Variants in UBASH3B observed in about 807,000 individuals in gnomAD.
UBASH3B encodes ubiquitin associated and SH3 domain containing B, also known as ubiquitin-associated and SH3 domain-containing protein B.
A neutral mutation model predicts 83.4 loss-of-function variants in UBASH3B; 37 were observed. That is an observed-to-expected ratio of 0.44 (90% CI 0.34 to 0.58). The LOEUF (loss-of-function observed/expected upper bound fraction) is 0.58, where lower values mean the gene tolerates loss of function less well. Among genes scored for constraint, UBASH3B ranks in the 20% least tolerant of loss-of-function variants. The probability of loss-of-function intolerance (pLI) is 0.01; values close to 1 mark genes in which losing one functional copy is unlikely to be tolerated. For synonymous variants in UBASH3B, 304 were observed against 318.3 expected, an observed-to-expected ratio of 0.96 and a Z score of 0.48; for missense variants, 657 against 827.2, an observed-to-expected ratio of 0.79 and a Z score of 2.52.
At chr11:122,676,222 G>A (rs550622488) in intron 1 of UBASH3B, among the ~76,000 whole-genome samples, 3 of 151,838 alleles carry the variant, frequency 2.0e-5, no homozygotes, top group African/African-American at 7.2e-5. Context: ...GGGCAACAAG[G>A]AGAAACCCCG....
intron 1 of UBASH3B, among the ~76,000 whole-genome samples, chr11:122,711,304 G>C (rs1864188126): frequency 6.6e-6 from 1 of 152,224 alleles, no homozygotes; most frequent in African/African-American, 2.4e-5. Flanking sequence ...TAGTGCTTAG[G>C]GAAAGAGAGG....
intron 1 of UBASH3B, among the ~76,000 whole-genome samples, chr11:122,659,472 C>T (rs544634961): frequency 1.3e-5 from 2 of 152,226 alleles, no homozygotes; most frequent in Admixed American, 6.5e-5. Context: ...CTACTTCAAC[C>T]CAGAAAGGCT....
chr11:122,769,262 C>A (rs1280876248), intron 1 of UBASH3B, among the ~76,000 whole-genome samples: 2 of 152,120 alleles, frequency 1.3e-5, no homozygotes, highest in Non-Finnish European at 2.9e-5. Context: ...ACAACCAGCT[C>A]CCGTGAAAAC....
chr11:122,703,293 G>A (rs529772796), intron 1 of UBASH3B, among the ~76,000 whole-genome samples: 4 of 152,130 alleles, frequency 2.6e-5, no homozygotes, highest in African/African-American at 9.6e-5. Flanking sequence ...CAGGCGTGGT[G>A]GTGGGTGCCT....
intron 9 of UBASH3B, among the ~76,000 whole-genome samples, chr11:122,797,644 G>A (rs1453010898): frequency 6.6e-6 from 1 of 152,148 alleles, no homozygotes; most frequent in African/African-American, 2.4e-5. Flanking sequence ...TTGATTGCAT[G>A]CATCCAGACA....
At chr11:122,740,831 A>AT (rs371660148) in intron 1 of UBASH3B, among the ~76,000 whole-genome samples, 73 of 152,326 alleles carry the variant, frequency 4.8e-4, no homozygotes, top group African/African-American at 1.7e-3. Context: ...CTGCATGTTC[A>AT]TTTTTTATAA....
intron 1 of UBASH3B, among the ~76,000 whole-genome samples, chr11:122,703,737 C>G (rs1323565581): frequency 2.0e-5 from 3 of 152,186 alleles, no homozygotes; most frequent in Non-Finnish European, 1.5e-5. Flanking sequence ...AGACAAGCAT[C>G]TCATGTCCCA....
chr11:122,676,352 C>A (rs1485159227), intron 1 of UBASH3B, among the ~76,000 whole-genome samples: 2 of 152,102 alleles, frequency 1.3e-5, no homozygotes, highest in South Asian at 4.1e-4. Flanking sequence ...CCAGCCTGGC[C>A]AACATGGTAA....
intron 1 of UBASH3B, among the ~76,000 whole-genome samples, chr11:122,746,258 A>G (rs1007656184): frequency 2.0e-5 from 3 of 152,210 alleles, no homozygotes; most frequent in African/African-American, 7.2e-5. Context: ...GGAAGTTCAG[A>G]CTGAAACTCA....
intron 1 of UBASH3B, among the ~76,000 whole-genome samples, chr11:122,760,354 T>G (rs1044745272): frequency 4.0e-5 from 6 of 148,604 alleles, no homozygotes; most frequent in Non-Finnish European, 8.8e-5. Context: ...AGAGAAAGTT[T>G]TTTTTTTTTT....
chr11:122,687,861 A>G (rs920701332), intron 1 of UBASH3B, among the ~76,000 whole-genome samples: 1 of 152,042 alleles, frequency 6.6e-6, no homozygotes, highest in African/African-American at 2.4e-5. Flanking sequence ...GTCCTGTCTT[A>G]CCTCCCTATC....
rs527969200 is a variant in UBASH3B at position 122,684,069 on chromosome 11, A to G, written c.161+27859A>G. ...GCTCACTTGACCAAAAACTCTTGAT[A>G]AAACATCAGATACAGCACACATTCT... On this transcript the variant is annotated intron_variant, in intron 1 of 13. Transcript: ENST00000284273. Among the ~76,000 whole-genome samples the G allele has an allele frequency of 4.7e-4, 72 of 152,330 alleles. 2 individuals are homozygous for G. In the South Asian group the frequency reaches 0.014, roughly 31 times the overall value.
rs1181506094 is a variant in UBASH3B at position 122,813,985 on chromosome 11, A to C, written c.*4099A>C. 1.3e-5 allele frequency: 2 copies of C among 152,454 alleles called. No individual in the cohort carries two copies. The highest frequency in any genetic ancestry group is 2.9e-5 in the Non-Finnish European group (2 of 68,032). 9.4% of individuals were successfully genotyped at this position (152,454 alleles called of 1,614,324 possible). Reference sequence around the variant, plus strand: ...TGATGACTAGTCGAACTTAATATACAATCAGTTCTTGCAAATACTTTACAC... The same window carrying C: ...TGATGACTAGTCGAACTTAATATACCATCAGTTCTTGCAAATACTTTACAC... On this transcript the variant is annotated 3_prime_UTR_variant, in exon 14 of 14. Transcript: ENST00000284273.
At chr11:122,664,966 T>A (rs1863495914) in intron 1 of UBASH3B, among the ~76,000 whole-genome samples, 1 of 152,214 alleles carries the variant, frequency 6.6e-6, no homozygotes, top group African/African-American at 2.4e-5. Flanking sequence ...TGGAGTGCGG[T>A]GGCGCAATCT....
chr11:122,697,529 C>T (rs1863978760), intron 1 of UBASH3B, among the ~76,000 whole-genome samples: 1 of 152,232 alleles, frequency 6.6e-6, no homozygotes, highest in Non-Finnish European at 1.5e-5. Flanking sequence ...AATGACCGTA[C>T]TGAAGCAAAT....
At chr11:122,748,087 A>G (rs544690714) in intron 1 of UBASH3B, among the ~76,000 whole-genome samples, 70 of 152,348 alleles carry the variant, frequency 4.6e-4, no homozygotes, top group Non-Finnish European at 9.3e-4. Context: ...AGGATCCTGC[A>G]AAAGGAGAGC....
At chr11:122,719,076 A>G (rs934193520) in intron 1 of UBASH3B, among the ~76,000 whole-genome samples, 9 of 152,204 alleles carry the variant, frequency 5.9e-5, no homozygotes, top group Non-Finnish European at 8.8e-5. Flanking sequence ...TTACCATGTG[A>G]TAGCTGCTGT....
chr11:122,777,271 G>C (rs1201015847), intron 3 of UBASH3B, 61 bp downstream of exon 3: 2 of 1,529,518 alleles, frequency 1.3e-6, no homozygotes, highest in African/African-American at 2.8e-5. Context: ...CCGGCCCTTT[G>C]GGACCTGGAG....
In UBASH3B at chr11:122,656,104, T is replaced by C. The variant is rs1473908144; in HGVS notation, c.55T>C (p.Tyr19His). 4 of 1,602,306 alleles carry C rather than the reference T, an allele frequency of 2.5e-6. No homozygotes were observed. In the African/African-American group the frequency reaches 4.0e-5, roughly 16 times the overall value. ...CGGCATGGCTGCGAGAGAGGAGCTG[T>C]ACAGCAAAGTCACCCCCCGGAGGAA... is the stretch of plus-strand genomic sequence containing the variant. ...PLGMAAREEL[Y>H]SKVTPRRNRQ... The change falls in exon 1 of 14, where the codon TAC (tyrosine) becomes CAC (histidine). Residue 19 changes from tyrosine to histidine, a missense_variant. Tyr to His is a moderately conservative substitution (Grantham distance 83). Around this residue, in one of 3 missense-constraint regions of UBASH3B, gnomAD observed 78 missense variants for 68.4 expected, o/e 1.14. Coordinates refer to ENST00000284273, the MANE Select transcript of UBASH3B (RefSeq NM_032873.5).
Sources: gnomAD v4.1 joint callset for allele counts (sites outside exome capture counted in the v4.1 genomes callset) on GRCh38, gnomAD v4.1.1 for gene constraint, gnomAD v4.1.1 regional missense constraint, MANE v1.5 for transcripts, NCBI Gene and HGNC (gene_info 2026-07-23, HGNC 2026-07-21) for gene names.